The following HAUS8 variants were observed in gnomAD, a reference collection of about 807,000 sequenced individuals.
The protein encoded by HAUS8 is HAUS augmin like complex subunit 8, also known as HAUS augmin-like complex subunit 8.
HAUS8 carries 38 observed loss-of-function variants against 42.9 expected under a neutral mutation model. That is an observed-to-expected ratio of 0.89 (90% CI 0.68 to 1.16). The LOEUF is 1.16. Among genes scored for constraint, HAUS8 ranks in the 50% most tolerant of loss-of-function variants. The pLI, the probability that HAUS8 is intolerant of heterozygous loss-of-function variation, is 0.00. For synonymous variants in HAUS8, 199 were observed against 205.8 expected (o/e 0.97, Z 0.28); for missense variants, 494 against 511.6 (o/e 0.97, Z 0.33).
intron 7 of HAUS8, 41 bp downstream of exon 7, chr19:17,058,770 C>CCTT: frequency 6.2e-7 from 1 of 1,605,192 alleles, no homozygotes; most frequent in Non-Finnish European, 8.5e-7. Flanking sequence ...TGGAGGCCAC[C>CCTT]CTTCCATCCA....
chr19:17,059,032 C>A (rs1243691021), intron 6 of HAUS8, among the ~76,000 whole-genome samples, 156 bp from the exon 7 acceptor site: 1 of 152,184 alleles, frequency 6.6e-6, no homozygotes, highest in Non-Finnish European at 1.5e-5. Flanking sequence ...CTTCTATTTT[C>A]TTTTATTTGG....
intron 8 of HAUS8, among the ~76,000 whole-genome samples, chr19:17,057,366 T>G (rs1265560417): frequency 6.6e-6 from 1 of 151,676 alleles, no homozygotes; most frequent in Non-Finnish European, 1.5e-5. Flanking sequence ...AAAAAAAAAT[T>G]TTTTTGTAGA....
intron 1 of HAUS8, chr19:17,075,146 C>T (rs1568645086): frequency 5.5e-6 from 3 of 548,368 alleles, no homozygotes; most frequent in East Asian, 5.9e-5. Flanking sequence ...AGGCACTGGG[C>T]GGTCAGGCCG....
intron 10 of HAUS8, among the ~76,000 whole-genome samples, chr19:17,051,015 G>A (rs769456808): frequency 1.3e-5 from 2 of 152,086 alleles, no homozygotes; most frequent in African/African-American, 2.4e-5. Context: ...AACCGAGATC[G>A]CGCCACTGCA....
At chr19:17,059,731 G>T (rs1551551) in intron 5 of HAUS8, 80 bp from the exon 6 acceptor site, 382,849 of 879,418 alleles carry the variant, frequency 0.44, 86,052 homozygotes, top group South Asian at 0.56. Context: ...TCTAATGATG[G>T]GTTTATTGGG....
rs531678391 is a variant in HAUS8, at chr19:17,075,008, CATAACG to C, written c.29+380_29+385del. ...TTGGTCGCCCAACACTTGTTCACTG[CATAACG>C]ATAATTCCAAGAGCGACATCACAGT... On this transcript the variant is annotated intron_variant, in intron 1 of 10. Coordinates refer to ENST00000253669, the MANE Select transcript of HAUS8 (RefSeq NM_033417.2). The C allele has an allele frequency of 1.8e-3, 482 of 270,196 alleles. 3 individuals are homozygous for C. Among genetic ancestry groups the C allele is most frequent in the African/African-American group, 9.4e-3 (433 of 46,058 alleles). The allele number at this position is 270,196 out of a possible 1,614,324, so 16.7% of individuals were successfully genotyped here.
At chr19:17,054,441 G>C (rs914472286) in intron 9 of HAUS8, among the ~76,000 whole-genome samples, 1 of 151,858 alleles carries the variant, frequency 6.6e-6, no homozygotes, top group African/African-American at 2.4e-5. Context: ...GATCACTTGA[G>C]CCCAGCAGTT....
At chr19:17,062,631 T>C (rs866707083) in intron 4 of HAUS8, 67 bp downstream of exon 4, 1 of 1,175,320 alleles carries the variant, frequency 8.5e-7, no homozygotes. Flanking sequence ...AACTTTAACT[T>C]AGCACCCATG....
In HAUS8 at chr19:17,050,117, T is replaced by A. The variant is rs1192175826; in HGVS notation, c.989A>T (p.Asn330Ile). 6.3e-7 allele frequency: 1 copy of A among 1,575,464 alleles called. No individual in the cohort carries two copies. The highest frequency in any genetic ancestry group is 8.6e-7 in the Non-Finnish European group (1 of 1,160,134). The change falls in exon 11 of 11, where the codon AAC becomes ATC. Residue 330 changes from asparagine (N) to isoleucine (I), a missense_variant. Physicochemically the swap from Asn to Ile is moderately radical, Grantham distance 149. Coordinates refer to ENST00000253669, the MANE Select transcript of HAUS8 (RefSeq NM_033417.2). ...AEASKEAALA[N>I]QEVWEETQGM... is the part of the protein sequence containing the mutation. ...CTGGGTCTCTTCCCAGACTTCCTGG[T>A]TTGCCAAGGCTGCCTCTTTGCTTGC...
intron 2 of HAUS8, among the ~76,000 whole-genome samples, chr19:17,070,029 C>T (rs990677060): frequency 1.3e-5 from 2 of 152,112 alleles, no homozygotes; most frequent in Non-Finnish European, 2.9e-5. Flanking sequence ...GCCTGAATCC[C>T]CACAGCTCCT....
In HAUS8 at chr19:17,069,021, G is replaced by A. The variant is rs1178810775; in HGVS notation, c.147+10C>T. The stretch of plus-strand genomic sequence containing the variant: ...GAACTGCTGCAAATGGAAGCTGGGT[G>A]CGGCCTTACCTTTTGGGTTGTCTTC... On this transcript the variant is annotated intron_variant, in intron 3 of 10. Coordinates refer to ENST00000253669, the MANE Select transcript of HAUS8 (RefSeq NM_033417.2). 6.8e-6 allele frequency: 11 copies of A among 1,611,466 alleles called. No individual in the cohort carries two copies. The highest frequency in any genetic ancestry group is 1.3e-5 in the African/African-American group (1 of 74,872).
intron 9 of HAUS8, chr19:17,055,140 AAAAATATATATATATATATATATAT>A (rs2057314853): frequency 2.7e-4 from 5 of 18,766 alleles, no homozygotes; most frequent in Admixed American, 1.1e-3. Context: ...AAAAAAAAAA[AAAAATATATATATATATATATATAT>A]ATATATATAT....
intron 2 of HAUS8, among the ~76,000 whole-genome samples, chr19:17,071,576 G>T (rs571970609): frequency 6.6e-6 from 1 of 152,152 alleles, no homozygotes; most frequent in Admixed American, 6.5e-5. Flanking sequence ...CATCCAGCCC[G>T]GGTCTTTCTA....
chr19:17,067,436 C>T (rs1329273278), intron 3 of HAUS8, among the ~76,000 whole-genome samples: 3 of 152,030 alleles, frequency 2.0e-5, no homozygotes, highest in Non-Finnish European at 4.4e-5. Flanking sequence ...TTAGGGATGA[C>T]TCGTTCTGTA....
At chr19:17,058,912 G>A (rs1171470975) in intron 6 of HAUS8, 36 bp from the exon 7 acceptor site, 1 of 1,543,816 alleles carries the variant, frequency 6.5e-7, no homozygotes, top group East Asian at 2.2e-5. Context: ...AATTCCTGAT[G>A]AAGTGGTATA....
At chr19:17,056,708 A>G (rs1490950563) in intron 8 of HAUS8, among the ~76,000 whole-genome samples, 1 of 152,052 alleles carries the variant, frequency 6.6e-6, no homozygotes, top group East Asian at 1.9e-4. Flanking sequence ...CTTGCGCCTC[A>G]GTCTCCCAAG....
At chr19:17,074,504 C>T (rs1461969309) in intron 1 of HAUS8, 1 of 152,368 alleles carries the variant, frequency 6.6e-6, no homozygotes, top group Admixed American at 6.5e-5. Context: ...AAAACAAAGA[C>T]GCACAGGTTT....
chr19:17,074,909 C>T (rs570157915), intron 1 of HAUS8: 72 of 163,182 alleles, frequency 4.4e-4, no homozygotes, highest in Admixed American at 7.8e-4. Flanking sequence ...CACTTCCCCT[C>T]CCTGGGTCTC....
chr19:17,061,291 C>A (rs1464983487), intron 4 of HAUS8, among the ~76,000 whole-genome samples: 3 of 152,074 alleles, frequency 2.0e-5, no homozygotes, highest in Non-Finnish European at 4.4e-5. Context: ...TCACCATGCC[C>A]AGATAATTTT....
Sources: gnomAD v4.1 joint callset for allele counts (sites outside exome capture counted in the v4.1 genomes callset) on GRCh38, gnomAD v4.1.1 for gene constraint, MANE v1.5 for transcripts, NCBI Gene and HGNC (gene_info 2026-07-23, HGNC 2026-07-21) for gene names.